CTDSPL: variants seen among roughly 807,000 people sequenced by gnomAD.
CTDSPL encodes the protein CTD small phosphatase-like protein.
A neutral mutation model predicts 30.5 loss-of-function variants in CTDSPL; 8 were observed. The observed-to-expected ratio is 0.26, with a 90% confidence interval of 0.15 to 0.47. The LOEUF is 0.47. Among genes scored for constraint, CTDSPL ranks in the 20% least tolerant of loss-of-function variants. CTDSPL has a pLI of 0.99. For synonymous variants in CTDSPL, 110 were observed against 137.9 expected, an observed-to-expected ratio of 0.80 and a Z score of 1.42; for missense variants, 248 against 366.1, an observed-to-expected ratio of 0.68 and a Z score of 2.63.
chr3:37,967,988 G>C (rs946138505), intron 5 of CTDSPL, 106 bp downstream of exon 5: 4 of 744,684 alleles, frequency 5.4e-6, no homozygotes, highest in Admixed American at 3.0e-5. Flanking sequence ...CTTTATTACG[G>C]AATCAAAAGG....
intron 2 of CTDSPL, among the ~76,000 whole-genome samples, chr3:37,956,476 T>C (rs1180137877): frequency 6.6e-6 from 1 of 152,264 alleles, no homozygotes; most frequent in East Asian, 1.9e-4. Context: ...TTGGAATGGC[T>C]GGCATTTGGG....
At chr3:37,887,834 T>C (rs1349109095) in intron 1 of CTDSPL, among the ~76,000 whole-genome samples, 1 of 152,196 alleles carries the variant, frequency 6.6e-6, no homozygotes, top group Admixed American at 6.5e-5. Context: ...ACAAGCGATA[T>C]AGTAATAGCT....
intron 1 of CTDSPL, among the ~76,000 whole-genome samples, chr3:37,921,218 G>C (rs900305547): frequency 1.3e-5 from 2 of 152,230 alleles, no homozygotes; most frequent in African/African-American, 4.8e-5. Flanking sequence ...TCTAGCTTCT[G>C]ACTGGCTAAA....
intron 1 of CTDSPL, among the ~76,000 whole-genome samples, chr3:37,903,312 A>G (rs1323880162): frequency 6.6e-6 from 1 of 151,618 alleles, no homozygotes; most frequent in Non-Finnish European, 1.5e-5. Flanking sequence ...TGTCAGGACA[A>G]ATGAGGGAAT....
At chr3:37,902,457 C>G (rs1271082299) in intron 1 of CTDSPL, among the ~76,000 whole-genome samples, 1 of 152,112 alleles carries the variant, frequency 6.6e-6, no homozygotes, top group Non-Finnish European at 1.5e-5. Context: ...CTCTGTACTT[C>G]CCAGCAGGCC....
chr3:37,915,700 G>T (rs1177803716), intron 1 of CTDSPL, among the ~76,000 whole-genome samples: 1 of 151,998 alleles, frequency 6.6e-6, no homozygotes, highest in East Asian at 1.9e-4. Context: ...TTTAAGCATA[G>T]TTTTTTTATT....
chr3:37,894,303 C>T (rs901544027), intron 1 of CTDSPL, among the ~76,000 whole-genome samples: 1 of 151,648 alleles, frequency 6.6e-6, no homozygotes, highest in African/African-American at 2.4e-5. Flanking sequence ...GCTAGAGTCT[C>T]GCTATATTGC....
At chr3:37,946,506 G>A (rs554012002) in intron 1 of CTDSPL, among the ~76,000 whole-genome samples, 6 of 152,218 alleles carry the variant, frequency 3.9e-5, no homozygotes, top group Non-Finnish European at 7.3e-5. Context: ...AACTCTTGGC[G>A]AGTTTAAGCA....
At chr3:37,913,903 G>T (rs1236350639) in intron 1 of CTDSPL, among the ~76,000 whole-genome samples, 2 of 152,130 alleles carry the variant, frequency 1.3e-5, no homozygotes, top group Admixed American at 1.3e-4. Context: ...TCTATTATTG[G>T]TCTTTTGCAT....
chr3:37,887,113 G>A (rs889410021), intron 1 of CTDSPL, among the ~76,000 whole-genome samples: 5 of 152,196 alleles, frequency 3.3e-5, no homozygotes, highest in Admixed American at 1.3e-4. Context: ...CAGTACTGCA[G>A]CCTGTGTACC....
At chr3:37,890,430 G>A (rs1698311761) in intron 1 of CTDSPL, among the ~76,000 whole-genome samples, 1 of 151,980 alleles carries the variant, frequency 6.6e-6, no homozygotes, top group Non-Finnish European at 1.5e-5. Context: ...AATAGTTGAA[G>A]GATAAAATAG....
At chr3:37,941,756 G>A (rs553678202) in intron 1 of CTDSPL, among the ~76,000 whole-genome samples, 3 of 150,316 alleles carry the variant, frequency 2.0e-5, no homozygotes, top group East Asian at 2.0e-4. Context: ...GGCCTGCCCC[G>A]GGCTGAGCCT....
intron 5 of CTDSPL, chr3:37,968,244 C>T: frequency 4.3e-6 from 2 of 461,136 alleles, no homozygotes; most frequent in Non-Finnish European, 4.3e-6. Flanking sequence ...CACAAGTCAC[C>T]CACTTATGGT....
intron 1 of CTDSPL, among the ~76,000 whole-genome samples, chr3:37,928,282 T>C (rs1414739327): frequency 2.0e-5 from 3 of 152,238 alleles, no homozygotes; most frequent in African/African-American, 7.2e-5. Flanking sequence ...AGTTCTACTT[T>C]TAACTTTTTG....
chr3:37,864,206 T>C (rs1478073174), intron 1 of CTDSPL, among the ~76,000 whole-genome samples: 1 of 152,176 alleles, frequency 6.6e-6, no homozygotes. Context: ...CAGGGAAATA[T>C]TTGTCAGAGC....
intron 1 of CTDSPL, among the ~76,000 whole-genome samples, chr3:37,871,425 C>T (rs1340730219): frequency 2.0e-5 from 3 of 152,164 alleles, no homozygotes; most frequent in Non-Finnish European, 4.4e-5. Context: ...CATATGTGTG[C>T]AGGTCTTTGT....
intron 1 of CTDSPL, among the ~76,000 whole-genome samples, chr3:37,878,135 C>T (rs1264279729): frequency 6.6e-6 from 1 of 152,104 alleles, no homozygotes; most frequent in Non-Finnish European, 1.5e-5. Flanking sequence ...TTTATAGTAG[C>T]CATTCTCATG....
intron 1 of CTDSPL, among the ~76,000 whole-genome samples, chr3:37,914,994 C>T (rs1355762119): frequency 2.0e-5 from 3 of 150,698 alleles, no homozygotes; most frequent in African/African-American, 7.3e-5. Flanking sequence ...CAGCAGTCCT[C>T]CTGCCTTGGC....
rs1213154708 is a variant in CTDSPL, at chr3:37,862,195, C to G, written c.-5C>G. The G allele has an allele frequency of 2.4e-5, 29 of 1,226,590 alleles. No homozygotes were observed. Among genetic ancestry groups the G allele is most frequent in the Non-Finnish European group, 3.0e-5 (29 of 979,076 alleles). 76.0% of individuals were successfully genotyped at this position (1,226,590 alleles called of 1,614,324 possible). A position where few individuals can be genotyped will look rare whatever the true frequency, so the allele number is the denominator to read the frequency against. On this transcript the variant is annotated 5_prime_UTR_variant, in exon 1 of 8. Transcript: ENST00000273179. This position sits in a 1 kb window ranked among gnomAD's most constrained non-coding sequence, Gnocchi z 4.3. ...GCCTGCGGGCGGCCGCCGCGCCGCG[C>G]ACCCATGGACGGCCCGGCCATCATC...
Sources: gnomAD v4.1 joint callset for allele counts (sites outside exome capture counted in the v4.1 genomes callset) on GRCh38, gnomAD v4.1.1 for gene constraint, Gnocchi (gnomAD v3.1) non-coding constraint, MANE v1.5 for transcripts, NCBI Gene and HGNC (gene_info 2026-07-23, HGNC 2026-07-21) for gene names.